Variants in KDM4C observed in about 807,000 individuals in gnomAD.
KDM4C encodes lysine demethylase 4C, also known as lysine-specific demethylase 4C.
KDM4C carries 81 observed loss-of-function variants against 129.3 expected under a neutral mutation model. The observed-to-expected ratio is 0.63, with a 90% CI of 0.52 to 0.75. KDM4C has a LOEUF of 0.75. KDM4C is among the 30% of genes least tolerant of loss of function. The probability of loss-of-function intolerance (pLI) is 0.00; values close to 1 mark genes in which losing one functional copy is unlikely to be tolerated. For missense variants in KDM4C, 1,457 were observed against 1,304.0 expected (o/e 1.12, Z -1.81); for synonymous variants, 573 against 456.1 (o/e 1.26, Z -3.26).
At chr9:6,882,437 T>C (rs1347128352) in intron 6 of KDM4C, among the ~76,000 whole-genome samples, 2 of 152,224 alleles carry the variant, frequency 1.3e-5, no homozygotes, top group African/African-American at 4.8e-5. Context: ...GTACAGATTT[T>C]TGTGAAAAGT....
chr9:6,969,196 A>C (rs1831516531), intron 8 of KDM4C, among the ~76,000 whole-genome samples: 1 of 152,202 alleles, frequency 6.6e-6, no homozygotes, highest in African/African-American at 2.4e-5. Flanking sequence ...TCTGCCTCCC[A>C]AAGTGCTGGG....
intron 17 of KDM4C, among the ~76,000 whole-genome samples, chr9:7,081,243 C>T (rs553891085): frequency 2.0e-5 from 3 of 152,160 alleles, no homozygotes; most frequent in South Asian, 2.1e-4. Context: ...CACGTAGACA[C>T]GTAGATATGG....
chr9:7,039,893 G>T (rs987201731), intron 15 of KDM4C, among the ~76,000 whole-genome samples: 1 of 151,916 alleles, frequency 6.6e-6, no homozygotes, highest in Non-Finnish European at 1.5e-5. Context: ...ATTGTTCATG[G>T]GTTAGCTCTA....
At chr9:7,028,385 G>A (rs1408753304) in intron 15 of KDM4C, among the ~76,000 whole-genome samples, 1 of 151,838 alleles carries the variant, frequency 6.6e-6, no homozygotes, top group Non-Finnish European at 1.5e-5. Context: ...AAATGTCCAG[G>A]AGCTAGGCCC....
chr9:6,837,997 A>G (rs1836201811), intron 4 of KDM4C, among the ~76,000 whole-genome samples: 1 of 152,100 alleles, frequency 6.6e-6, no homozygotes, highest in South Asian at 2.1e-4. Context: ...TACTATGTTA[A>G]TGTCCTAAAT....
chr9:7,121,753 G>A (rs1839511343), intron 18 of KDM4C, among the ~76,000 whole-genome samples: 1 of 151,818 alleles, frequency 6.6e-6, no homozygotes, highest in South Asian at 2.1e-4. Flanking sequence ...TCTTAAATGG[G>A]AAGTGCCTCA....
chr9:6,857,946 T>A (rs1047589828), intron 5 of KDM4C, among the ~76,000 whole-genome samples: 28 of 140,270 alleles, frequency 2.0e-4, no homozygotes, highest in Middle Eastern at 3.5e-3. Context: ...TTTTTTTTTT[T>A]AGAGATGGGG....
chr9:6,807,596 C>T (rs1181097583), intron 3 of KDM4C, among the ~76,000 whole-genome samples: 2 of 148,998 alleles, frequency 1.3e-5, no homozygotes, highest in East Asian at 2.0e-4. Context: ...AGGTGAGGAG[C>T]GTTTCTGCCC....
intron 18 of KDM4C, among the ~76,000 whole-genome samples, chr9:7,115,413 T>A (rs966222405): frequency 6.6e-6 from 1 of 152,164 alleles, no homozygotes; most frequent in South Asian, 2.1e-4. Flanking sequence ...TATTTTAATA[T>A]TGGTATTAGA....
At chr9:7,116,056 C>T (rs554677220) in intron 18 of KDM4C, among the ~76,000 whole-genome samples, 2 of 152,286 alleles carry the variant, frequency 1.3e-5, no homozygotes, top group East Asian at 1.9e-4. Context: ...TAAGAAATTC[C>T]TGTTTCTTCT....
chr9:6,869,416 C>T (rs1842527634), intron 5 of KDM4C, among the ~76,000 whole-genome samples: 1 of 152,218 alleles, frequency 6.6e-6, no homozygotes, highest in Non-Finnish European at 1.5e-5. Flanking sequence ...ATTTAAGTGA[C>T]ACCTCTTTAC....
chr9:7,025,066 A>G (rs953088725), intron 15 of KDM4C, among the ~76,000 whole-genome samples: 1 of 152,116 alleles, frequency 6.6e-6, no homozygotes, highest in Non-Finnish European at 1.5e-5. Flanking sequence ...TATATTTATG[A>G]TTGTTATATT....
At chr9:6,931,112 C>CT (rs1823644669) in intron 8 of KDM4C, among the ~76,000 whole-genome samples, 1 of 151,968 alleles carries the variant, frequency 6.6e-6, no homozygotes, top group Non-Finnish European at 1.5e-5. Context: ...TTGGAACCCT[C>CT]TCTCTTCTCA....
chr9:6,981,968 C>T (rs1318588381), intron 9 of KDM4C: 1 of 161,718 alleles, frequency 6.2e-6, no homozygotes, highest in African/African-American at 2.4e-5. Flanking sequence ...TGTATATATC[C>T]TTTACCTATA....
At chr9:6,855,187 G>A (rs1427228038) in intron 5 of KDM4C, among the ~76,000 whole-genome samples, 3 of 152,088 alleles carry the variant, frequency 2.0e-5, no homozygotes, top group Non-Finnish European at 4.4e-5. Context: ...ACAGCCAGGC[G>A]CTGAGGCTCA....
chr9:6,720,957 C>G (rs1249175028), exon 1 of KDM4C: 1 of 1,551,606 alleles, frequency 6.4e-7, no homozygotes, highest in Non-Finnish European at 8.7e-7. Flanking sequence ...TGATGAAGCA[C>G]TATGGGCTGC....
chr9:7,101,166 G>C (rs4740871), intron 17 of KDM4C, among the ~76,000 whole-genome samples: 85,588 of 151,936 alleles, frequency 0.56, 24,415 homozygotes, highest in Middle Eastern at 0.71. Context: ...ATTAATTGTA[G>C]CATGCCTATT....
chr9:6,740,693 A>G (rs72697595), intron 1 of KDM4C, among the ~76,000 whole-genome samples: 3,341 of 149,718 alleles, frequency 0.022, 54 homozygotes, highest in Non-Finnish European at 0.03. Flanking sequence ...AAATTTTTCT[A>G]TTTTTAGTAG....
intron 12 of KDM4C, among the ~76,000 whole-genome samples, chr9:7,006,351 C>G (rs1821668008): frequency 6.6e-6 from 1 of 152,182 alleles, no homozygotes; most frequent in Admixed American, 6.5e-5. Context: ...CCAGGCAGAC[C>G]TCTCTGACTG....
Sources: allele counts gnomAD v4.1 joint callset (sites outside exome capture counted in the v4.1 genomes callset), GRCh38; gene constraint gnomAD v4.1.1; transcripts MANE v1.5; gene names NCBI Gene and HGNC (gene_info 2026-07-23, HGNC 2026-07-21).